NTN1: variants seen among roughly 807,000 people sequenced by gnomAD.
The protein encoded by NTN1 is netrin 1, also known as netrin-1.
Under a neutral mutation model 54.2 loss-of-function variants are expected in NTN1, and 11 were observed. The ratio of observed to expected loss-of-function variants is 0.20; its 90% CI spans 0.13 to 0.34. The LOEUF (loss-of-function observed/expected upper bound fraction) is 0.34. NTN1 is among the 10% of genes least tolerant of loss of function. The pLI is 1.00. For synonymous variants in NTN1, 371 were observed against 382.0 expected (o/e 0.97, Z 0.33); for missense variants, 740 against 893.1 (o/e 0.83, Z 2.18).
chr17:9,187,654 CAAAAAAAAAAAA>C (rs763852001), intron 5 of NTN1, among the ~76,000 whole-genome samples: 2 of 52,904 alleles, frequency 3.8e-5, no homozygotes, highest in African/African-American at 8.6e-5. Flanking sequence ...CTCATCTCTC[CAAAAAAAAAAAA>C]AAAAAAAAAA....
chr17:9,031,656 T>C (rs2091888606), intron 2 of NTN1, among the ~76,000 whole-genome samples: 1 of 152,122 alleles, frequency 6.6e-6, no homozygotes, highest in African/African-American at 2.4e-5. Flanking sequence ...TAAAGAAATG[T>C]AAAGTAGACC....
At chr17:9,231,612 G>A (rs897207136) in intron 6 of NTN1, among the ~76,000 whole-genome samples, 4 of 152,344 alleles carry the variant, frequency 2.6e-5, no homozygotes, top group South Asian at 2.1e-4. Flanking sequence ...TGCGGTGAGG[G>A]GATGCTCTTG....
At position 9,160,753 on chromosome 17, in the gene NTN1, G is replaced by T. The variant is rs1227348630; in HGVS notation, c.1019-2060G>T. ...AGATATCTTGAGCCCAGGAGTTCGAGACCAGCCTGGGCAACATGGTGAAAC... is the reference window on the plus strand; with the variant it reads ...AGATATCTTGAGCCCAGGAGTTCGATACCAGCCTGGGCAACATGGTGAAAC... On this transcript the variant is annotated intron_variant, in intron 2 of 6. Transcript: ENST00000173229. Among the ~76,000 whole-genome samples, 5 of 152,234 alleles carry T rather than the reference G, an allele frequency of 3.3e-5. No homozygotes were observed. The South Asian group carries it at 8.3e-4, about 25-fold the overall frequency.
At chr17:9,155,487 A>G (rs887147607) in intron 2 of NTN1, among the ~76,000 whole-genome samples, 1 of 152,008 alleles carries the variant, frequency 6.6e-6, no homozygotes, top group African/African-American at 2.4e-5. Context: ...GATTACAGGC[A>G]TGTGCCACCA....
chr17:9,055,216 A>T (rs957244213), intron 2 of NTN1, among the ~76,000 whole-genome samples: 12 of 152,138 alleles, frequency 7.9e-5, no homozygotes, highest in African/African-American at 2.9e-4. Context: ...TCATTCACTT[A>T]TTCATTCTCT....
Position 9,022,844 on chromosome 17 carries a change from G to C in NTN1, c.471G>C (p.Glu157Asp). Residue 157 changes from glutamate (E) to aspartate (D), a missense_variant, in exon 2 of 7, where the codon GAG becomes GAC. Physicochemically the swap from Glu to Asp is conservative, Grantham distance 45. Coordinates refer to ENST00000173229, the MANE Select transcript of NTN1 (RefSeq NM_004822.3). Reference sequence around the variant, plus strand: ...TGCAGTTCTGCTCGCCGCGGCCCGAGTCCATGGCCATCTACAAGTCCATGG... The same window carrying C: ...TGCAGTTCTGCTCGCCGCGGCCCGACTCCATGGCCATCTACAAGTCCATGG... Reference protein sequence around the residue: ...VSLQFCSPRPESMAIYKSMDY... With the variant: ...VSLQFCSPRPDSMAIYKSMDY... The C allele has an allele frequency of 6.2e-7, 1 of 1,611,232 alleles. No homozygotes were observed. Among genetic ancestry groups the C allele is most frequent in the East Asian group, 2.2e-5 (1 of 44,710 alleles).
chr17:9,179,088 C>G (rs920141746), intron 3 of NTN1: 1 of 152,294 alleles, frequency 6.6e-6, no homozygotes, highest in African/African-American at 2.4e-5. Flanking sequence ...GCTTCAGCTC[C>G]CAGCCTGGCC....
At chr17:9,032,060 T>A (rs1020302739) in intron 2 of NTN1, among the ~76,000 whole-genome samples, 1 of 151,848 alleles carries the variant, frequency 6.6e-6, no homozygotes, top group Non-Finnish European at 1.5e-5. Context: ...GCTGTGCACG[T>A]GAGAAGGTGC....
rs563458054 is a variant in NTN1, at chr17:9,031,216, T to A, written c.1018+7825T>A. Among the ~76,000 whole-genome samples, 136 of 152,258 alleles carry A rather than the reference T, an allele frequency of 8.9e-4. 1 individual carries two copies. In the Middle Eastern group the frequency reaches 0.01, roughly 11 times the overall value. On this transcript the variant is annotated intron_variant, in intron 2 of 6. Transcript: ENST00000173229. Reference sequence around the variant, plus strand: ...GTCCTATGTAAGGAAATGAGGTAGATCTCTGAGTTTCCTGAGGGCCTGTAT... The same window carrying A: ...GTCCTATGTAAGGAAATGAGGTAGAACTCTGAGTTTCCTGAGGGCCTGTAT...
chr17:9,008,366 T>C, the NTN1 span, among the ~76,000 whole-genome samples: 1 of 152,192 alleles, frequency 6.6e-6, no homozygotes, highest in African/African-American at 2.4e-5. Context: ...TCCCCCAGGC[T>C]GGAGTGCAGT....
intron 2 of NTN1, among the ~76,000 whole-genome samples, chr17:9,152,872 G>A (rs566724706): frequency 1.3e-5 from 2 of 152,280 alleles, no homozygotes; most frequent in East Asian, 3.9e-4. Context: ...TCGCGGAGCC[G>A]GAGCTAGAGT....
rs114165220 is a variant in NTN1, at chr17:9,076,636, A to G, written c.1018+53245A>G. Among the ~76,000 whole-genome samples, 1,164 of 152,284 alleles carry G rather than the reference A, an allele frequency of 7.6e-3. 16 individuals are homozygous for G. Among genetic ancestry groups the G allele is most frequent in the African/African-American group, 0.027 (1,118 of 41,548 alleles). On this transcript the variant is annotated intron_variant, in intron 2 of 6. Transcript: ENST00000173229. ...AGTGATCTTCTCACCTCAGTCTCCC[A>G]AAGTGCTGGGATTATAGGCATGAGC...
rs373942456 is a variant in NTN1 at position 9,086,512 on chromosome 17, A to G, written c.1018+63121A>G. Among the ~76,000 whole-genome samples, 5 of 152,316 alleles carry G rather than the reference A, an allele frequency of 3.3e-5. No individual in the cohort carries two copies. The East Asian group carries it at 9.6e-4, about 29-fold the overall frequency. ...GGGAATGTACACCAGCAATTACAATACAGGGCTGTGAGAGGTTAGAACGGG... is the reference window on the plus strand; with the variant it reads ...GGGAATGTACACCAGCAATTACAATGCAGGGCTGTGAGAGGTTAGAACGGG... On this transcript the variant is annotated intron_variant, in intron 2 of 6. Transcript: ENST00000173229.
intron 2 of NTN1, among the ~76,000 whole-genome samples, chr17:9,064,024 T>A (rs916024293): frequency 6.6e-6 from 1 of 152,238 alleles, no homozygotes; most frequent in African/African-American, 2.4e-5. Flanking sequence ...ATGGTCCCTT[T>A]TTTTTACTAT....
chr17:9,149,800 G>A (rs1434480213), intron 2 of NTN1, among the ~76,000 whole-genome samples: 1 of 152,204 alleles, frequency 6.6e-6, no homozygotes, highest in East Asian at 1.9e-4. Flanking sequence ...AGGCACTGTG[G>A]TGAGCACCTG....
At chr17:9,231,593 A>G (rs1477140769) in intron 6 of NTN1, among the ~76,000 whole-genome samples, 1 of 152,248 alleles carries the variant, frequency 6.6e-6, no homozygotes, top group Non-Finnish European at 1.5e-5. Context: ...TGGAAATGCC[A>G]GCCCGGCTTG....
intron 5 of NTN1, among the ~76,000 whole-genome samples, chr17:9,191,319 G>A (rs1904451544): frequency 6.6e-6 from 1 of 152,106 alleles, no homozygotes; most frequent in Non-Finnish European, 1.5e-5. Flanking sequence ...AATTAGCTGG[G>A]CATGGTGGTG....
intron 2 of NTN1, among the ~76,000 whole-genome samples, chr17:9,054,813 G>C (rs75941192): frequency 1.3e-5 from 2 of 152,140 alleles, no homozygotes; most frequent in Non-Finnish European, 2.9e-5. Flanking sequence ...GCAGCACAGC[G>C]AAAGCTTTGG....
chr17:9,224,661 G>A (rs67470420), intron 6 of NTN1, among the ~76,000 whole-genome samples: 23 of 152,198 alleles, frequency 1.5e-4, no homozygotes, highest in Non-Finnish European at 2.2e-4. Context: ...AGAGAGCTGC[G>A]GGCCAGCCCT....
Sources: gnomAD v4.1 joint callset for allele counts (sites outside exome capture counted in the v4.1 genomes callset) on GRCh38, gnomAD v4.1.1 for gene constraint, MANE v1.5 for transcripts, NCBI Gene and HGNC (gene_info 2026-07-23, HGNC 2026-07-21) for gene names.